SNX24: variants seen among roughly 807,000 people sequenced by gnomAD.
SNX24 encodes the protein sorting nexin 24, also known as sorting nexin-24.
Under a neutral mutation model 28.7 loss-of-function variants are expected in SNX24, and 22 were observed. The observed-to-expected ratio is 0.77, with a 90% confidence interval of 0.55 to 1.10. The LOEUF is 1.10. Ranked by LOEUF, SNX24 falls within the 50% of genes least tolerant of loss-of-function variation. SNX24 has a pLI of 0.00. For synonymous variants in SNX24, 69 were observed against 71.5 expected, an observed-to-expected ratio of 0.96 and a Z score of 0.18; for missense variants, 221 against 201.1, an observed-to-expected ratio of 1.10 and a Z score of -0.60.
intron 1 of SNX24, among the ~76,000 whole-genome samples, chr5:122,924,856 T>G (rs1320003385): frequency 7.2e-5 from 11 of 152,068 alleles, no homozygotes; most frequent in Non-Finnish European, 4.4e-5. Context: ...TGTGTCTAAG[T>G]CCAGACTGGT....
At chr5:122,904,045 T>A (rs1403068752) in intron 1 of SNX24, among the ~76,000 whole-genome samples, 2 of 152,158 alleles carry the variant, frequency 1.3e-5, no homozygotes, top group African/African-American at 4.8e-5. Flanking sequence ...GACCTTACAT[T>A]TTTTTTCAGC....
chr5:122,925,842 C>A (rs968212097), intron 1 of SNX24, among the ~76,000 whole-genome samples: 2 of 152,174 alleles, frequency 1.3e-5, no homozygotes, highest in Admixed American at 6.5e-5. Flanking sequence ...TGGATTCAAC[C>A]TGCTGTGTTG....
At chr5:122,874,665 G>T (rs1756143903) in intron 1 of SNX24, among the ~76,000 whole-genome samples, 1 of 152,184 alleles carries the variant, frequency 6.6e-6, no homozygotes, top group Non-Finnish European at 1.5e-5. Context: ...TGTTTATTCT[G>T]CAACTTGACC....
intron 1 of SNX24, among the ~76,000 whole-genome samples, chr5:122,859,620 A>G (rs931179719): frequency 7.9e-5 from 12 of 152,084 alleles, no homozygotes; most frequent in Admixed American, 5.9e-4. Context: ...AATAATAATA[A>G]TTGTCGATGA....
intron 3 of SNX24, among the ~76,000 whole-genome samples, chr5:122,981,877 T>G (rs1228874329): frequency 6.6e-6 from 1 of 152,168 alleles, no homozygotes; most frequent in Non-Finnish European, 1.5e-5. Context: ...ACTCATCCAT[T>G]TCAGGTTTGG....
intron 1 of SNX24, among the ~76,000 whole-genome samples, chr5:122,914,793 C>T (rs1454813400): frequency 1.3e-5 from 2 of 151,922 alleles, no homozygotes; most frequent in East Asian, 1.9e-4. Context: ...CTCTATTTTT[C>T]TTTATTAGTC....
chr5:123,010,811 C>G (rs1197556325), downstream of SNX24, among the ~76,000 whole-genome samples: 1 of 151,666 alleles, frequency 6.6e-6, no homozygotes, highest in East Asian at 1.9e-4. Context: ...AATTTCTCCT[C>G]TTTTACAAAA....
intron 2 of SNX24, 151 bp downstream of exon 2, chr5:122,936,968 A>G (rs566032036): frequency 3.4e-4 from 160 of 466,238 alleles, no homozygotes; most frequent in Non-Finnish European, 5.7e-4. Context: ...TTTTTGGAAT[A>G]AGTTATTCAG....
Position 122,960,991 on chromosome 5 carries a change from T to TA in SNX24, c.249+14839dup, listed in dbSNP as rs1227984820. ...ATATAATTATGGATGTCTATATAAGTAAAAAAATTCTTATGCAAAATATGT... is the reference window on the plus strand; with the variant it reads ...ATATAATTATGGATGTCTATATAAGTAAAAAAAATTCTTATGCAAAATATGT... On this transcript the variant is annotated intron_variant, in intron 3 of 6. Coordinates refer to ENST00000261369, the MANE Select transcript of SNX24 (RefSeq NM_014035.4). Among the ~76,000 whole-genome samples the TA allele has an allele frequency of 3.3e-5, 5 of 152,326 alleles. No individual in the cohort carries two copies. In the East Asian group the frequency reaches 9.6e-4, roughly 29 times the overall value.
intron 1 of SNX24, among the ~76,000 whole-genome samples, chr5:122,869,587 A>C (rs1465879982): frequency 1.3e-5 from 2 of 152,220 alleles, no homozygotes; most frequent in African/African-American, 2.4e-5. Flanking sequence ...ATTTCTTCTT[A>C]AATACCAATG....
At chr5:122,978,798 C>A (rs1429037378) in intron 3 of SNX24, among the ~76,000 whole-genome samples, 6 of 152,030 alleles carry the variant, frequency 3.9e-5, no homozygotes, top group Admixed American at 2.0e-4. Flanking sequence ...CATTGAAAAC[C>A]AAGACTTAAT....
chr5:122,954,197 C>CTCTATA (rs554412836), intron 3 of SNX24, among the ~76,000 whole-genome samples: 1,592 of 150,718 alleles, frequency 0.011, 13 homozygotes, highest in East Asian at 0.026. Context: ...TTCTCTCTCT[C>CTCTATA]TATATATATA....
At chr5:123,005,423 C>T (rs1398870989) in intron 6 of SNX24, among the ~76,000 whole-genome samples, 2 of 152,200 alleles carry the variant, frequency 1.3e-5, no homozygotes, top group African/African-American at 4.8e-5. Context: ...TCCCTCACTT[C>T]CCTGTCTCTG....
chr5:122,994,669 A>G (rs1224355141), intron 3 of SNX24, among the ~76,000 whole-genome samples: 3 of 152,218 alleles, frequency 2.0e-5, no homozygotes, highest in Non-Finnish European at 4.4e-5. Context: ...TTGAGCTTAC[A>G]GGGGCTGTTG....
intron 1 of SNX24, among the ~76,000 whole-genome samples, chr5:122,919,221 A>G (rs939694095): frequency 6.6e-6 from 1 of 152,246 alleles, no homozygotes; most frequent in Non-Finnish European, 1.5e-5. Context: ...TTGTGCAAAG[A>G]GGCAAACCTG....
chr5:122,929,993 T>C (rs555369045), intron 1 of SNX24, among the ~76,000 whole-genome samples: 1 of 152,340 alleles, frequency 6.6e-6, no homozygotes, highest in African/African-American at 2.4e-5. Context: ...AAGATTTGAC[T>C]AGACATGGAA....
At chr5:122,984,145 T>C (rs570626154) in intron 3 of SNX24, among the ~76,000 whole-genome samples, 5 of 152,338 alleles carry the variant, frequency 3.3e-5, no homozygotes, top group African/African-American at 1.2e-4. Flanking sequence ...TCCCCTCTTA[T>C]GTGCCATATG....
At chr5:122,845,720 GC>G in intron 1 of SNX24, 27 bp downstream of exon 1, 1 of 1,328,398 alleles carries the variant, frequency 7.5e-7, no homozygotes, top group Non-Finnish European at 9.8e-7. Context: ...GGCGGACAGG[GC>G]CCCGCGAGCC....
intron 3 of SNX24, among the ~76,000 whole-genome samples, chr5:122,969,223 C>T (rs550270264): frequency 6.6e-6 from 1 of 151,890 alleles, no homozygotes; most frequent in East Asian, 1.9e-4. Context: ...AAGTTCTTTC[C>T]CATTCAGAAT....
Sources: allele counts gnomAD v4.1 joint callset (sites outside exome capture counted in the v4.1 genomes callset), GRCh38; gene constraint gnomAD v4.1.1; transcripts MANE v1.5; gene names NCBI Gene and HGNC (gene_info 2026-07-23, HGNC 2026-07-21).